Variants in ATOH7 observed in about 807,000 individuals in gnomAD.
ATOH7 encodes atonal bHLH transcription factor 7, also known as transcription factor ATOH7.
ATOH7 carries 11 observed loss-of-function variants against 11.0 expected under a neutral mutation model. That is an observed-to-expected ratio of 1.00 (90% CI 0.63 to 1.66). The LOEUF is 1.66. Ranked by LOEUF, ATOH7 falls within the 40% of genes most tolerant of loss-of-function variation. The pLI is 0.00. For missense variants in ATOH7, 232 were observed against 219.2 expected (o/e 1.06, Z -0.37); for synonymous variants, 98 against 98.3 (o/e 1.00, Z 0.02).
Position 68,231,523 on chromosome 10 carries a change from C to G in ATOH7, c.155G>C (p.Arg52Pro). 7.4e-7 allele frequency: 1 copy of G among 1,356,854 alleles called. No homozygotes were observed. Among genetic ancestry groups the G allele is most frequent in the Non-Finnish European group, 9.6e-7 (1 of 1,043,012 alleles). The allele number at this position is 1,356,854 out of a possible 1,614,324, so 84.1% of individuals were successfully genotyped here. Residue 52 changes from arginine to proline, a missense_variant, in exon 1 of 1, where the codon CGC becomes CCC. Coordinates refer to ENST00000373673, the MANE Select transcript of ATOH7 (RefSeq NM_145178.4). Reference sequence around the variant, plus strand: ...GAAGGCAGTGTTGAGCCCCTGCATGCGGCGGCGCTCGCGCGCGTTGGCCGC... The same window carrying G: ...GAAGGCAGTGTTGAGCCCCTGCATGGGGCGGCGCTCGCGCGCGTTGGCCGC... Reference protein sequence around the residue: ...RLAANARERRRMQGLNTAFDR... With the variant: ...RLAANARERRPMQGLNTAFDR...
chr10:68,230,872 C>T lies in ATOH7; in HGVS notation c.*347G>A, dbSNP rs1589630290. ...ACAAAGTTTAAGAAAGTGATTATTTCTCTGAGGACTGGAACAGAATAGCTT... is the reference window on the plus strand; with the variant it reads ...ACAAAGTTTAAGAAAGTGATTATTTTTCTGAGGACTGGAACAGAATAGCTT... On this transcript the variant is annotated 3_prime_UTR_variant, in exon 1 of 1. Transcript: ENST00000373673. 4.3e-6 allele frequency: 1 copy of T among 230,962 alleles called. No individual in the cohort carries two copies. Among genetic ancestry groups the T allele is most frequent in the East Asian group, 8.3e-5 (1 of 12,028 alleles). 14.3% of individuals were successfully genotyped at this position (230,962 alleles called of 1,614,324 possible).
Sources: gnomAD v4.1 joint callset for allele counts on GRCh38, gnomAD v4.1.1 for gene constraint, MANE v1.5 for transcripts, NCBI Gene and HGNC (gene_info 2026-07-23, HGNC 2026-07-21) for gene names.